Variants in MALRD1 observed in about 807,000 individuals in gnomAD.
MALRD1 encodes the protein MAM and LDL-receptor class A domain-containing protein 1.
In MALRD1, 247 loss-of-function variants were observed where a neutral mutation model predicts 242.1. The ratio of observed to expected loss-of-function variants is 1.02; its 90% CI spans 0.92 to 1.13. MALRD1 has a LOEUF of 1.13. Ranked by LOEUF, MALRD1 falls within the 50% of genes most tolerant of loss-of-function variation. MALRD1 has a pLI of 0.00. For synonymous variants in MALRD1, 995 were observed against 866.6 expected (o/e 1.15, Z -2.60); for missense variants, 2,989 against 2,533.1 (o/e 1.18, Z -3.86).
Position 19,357,342 on chromosome 10 carries a change from A to G in MALRD1, c.4441+5045A>G, listed in dbSNP as rs948078208. Reference sequence around the variant, plus strand: ...AAAGAGGTAACTGCCCATGTAATTTACTTAATGTCTGGCATATGGTAGGAA... The same window carrying G: ...AAAGAGGTAACTGCCCATGTAATTTGCTTAATGTCTGGCATATGGTAGGAA... On this transcript the variant is annotated intron_variant, in intron 26 of 39. Transcript: ENST00000454679. Among the ~76,000 whole-genome samples, 13 of 151,952 alleles carry G rather than the reference A, an allele frequency of 8.6e-5. 1 individual carries two copies. The highest frequency in any genetic ancestry group is 4.4e-5 in the Non-Finnish European group (3 of 68,008).
intron 10 of MALRD1, among the ~76,000 whole-genome samples, chr10:19,145,230 C>A (rs1338889761): frequency 6.6e-6 from 1 of 152,106 alleles, no homozygotes; most frequent in Non-Finnish European, 1.5e-5. Flanking sequence ...AATTTGGTGT[C>A]AAAGCTGTGA....
At chr10:19,415,484 G>A (rs918457899) in intron 28 of MALRD1, among the ~76,000 whole-genome samples, 1 of 151,884 alleles carries the variant, frequency 6.6e-6, no homozygotes, top group African/African-American at 2.4e-5. Flanking sequence ...CTAGCTTAAG[G>A]CTAATTAAGT....
At chr10:19,202,989 T>C (rs1366773461) in intron 14 of MALRD1, among the ~76,000 whole-genome samples, 1 of 152,148 alleles carries the variant, frequency 6.6e-6, no homozygotes, top group Non-Finnish European at 1.5e-5. Flanking sequence ...CCTTCCTATA[T>C]GGCTGTTTGT....
chr10:19,396,588 T>TA (rs986522730), intron 28 of MALRD1, among the ~76,000 whole-genome samples: 5 of 152,178 alleles, frequency 3.3e-5, no homozygotes, highest in African/African-American at 4.8e-5. Context: ...TAATCAGGAT[T>TA]AAAAAACAAT....
intron 18 of MALRD1, among the ~76,000 whole-genome samples, chr10:19,241,591 A>G (rs1323662191): frequency 6.6e-6 from 1 of 151,730 alleles, no homozygotes; most frequent in African/African-American, 2.4e-5. Context: ...CCTTCTACCA[A>G]TTTTGGGATT....
intron 2 of MALRD1, among the ~76,000 whole-genome samples, chr10:19,071,180 C>A (rs1191547333): frequency 6.6e-6 from 1 of 151,896 alleles, no homozygotes; most frequent in East Asian, 1.9e-4. Context: ...ATGCTGTGGG[C>A]AGCAGTCAAA....
At chr10:19,070,258 C>G (rs906362865) in intron 2 of MALRD1, among the ~76,000 whole-genome samples, 1 of 152,118 alleles carries the variant, frequency 6.6e-6, no homozygotes, top group African/African-American at 2.4e-5. Flanking sequence ...TACTGAGAAC[C>G]ATAGCTTAGC....
At chr10:19,665,657 A>C in intron 36 of MALRD1, among the ~76,000 whole-genome samples, 1 of 152,080 alleles carries the variant, frequency 6.6e-6, no homozygotes, top group East Asian at 1.9e-4. Context: ...AATTCTACTA[A>C]AACGTGGGCA....
chr10:19,313,042 TA>T (rs909721864), intron 21 of MALRD1, among the ~76,000 whole-genome samples: 3 of 151,360 alleles, frequency 2.0e-5, no homozygotes, highest in Non-Finnish European at 4.4e-5. Context: ...AGGTGTAAGA[TA>T]GGTCCCAAGA....
rs78304297 is a variant in MALRD1, at chr10:19,076,731, C to A, written c.340+9872C>A. On this transcript the variant is annotated intron_variant, in intron 2 of 39. Transcript: ENST00000454679. ...AGGAAGTTACTAGGGAAGAGTAAGT[C>A]TTATAATTTTGTTATTTTCTTTCAG... 5.7e-3 allele frequency among the ~76,000 whole-genome samples: 871 copies of A among 152,036 alleles called. 33 individuals are homozygous for A. The East Asian group carries it at 0.088, about 15-fold the overall frequency.
At chr10:19,726,992 T>C (rs1397274538) in intron 38 of MALRD1, among the ~76,000 whole-genome samples, 1 of 152,208 alleles carries the variant, frequency 6.6e-6, no homozygotes, top group African/African-American at 2.4e-5. Flanking sequence ...TTCAGAGTTA[T>C]AAAAACATTT....
chr10:19,304,894 C>T (rs1023700729), intron 21 of MALRD1, among the ~76,000 whole-genome samples: 6 of 151,810 alleles, frequency 4.0e-5, no homozygotes, highest in South Asian at 2.1e-4. Flanking sequence ...GGCAAGCATT[C>T]CTTTTTGTCA....
At chr10:19,489,073 CG>C in intron 29 of MALRD1, 1 of 459,694 alleles carries the variant, frequency 2.2e-6, no homozygotes, top group Non-Finnish European at 4.4e-6. Flanking sequence ...CCAGGCACCG[CG>C]CACGCGCCTT....
intron 36 of MALRD1, among the ~76,000 whole-genome samples, chr10:19,662,164 T>C (rs1215130196): frequency 6.6e-6 from 1 of 152,170 alleles, no homozygotes; most frequent in Non-Finnish European, 1.5e-5. Flanking sequence ...AAGACTGTTT[T>C]CATATATTCT....
At chr10:19,718,147 GAAGAGGAAGAGGAA>G (rs1412137128) in intron 38 of MALRD1, among the ~76,000 whole-genome samples, 6 of 150,348 alleles carry the variant, frequency 4.0e-5, no homozygotes, top group African/African-American at 7.4e-5. Context: ...GGAAGAGGAA[GAAGAGGAAGAGGAA>G]AAGAGGAAGA....
intron 28 of MALRD1, among the ~76,000 whole-genome samples, chr10:19,441,468 T>G (rs1218596097): frequency 6.6e-6 from 1 of 152,236 alleles, no homozygotes; most frequent in Non-Finnish European, 1.5e-5. Context: ...ATTTTTATGG[T>G]TATAGGTCTA....
intron 5 of MALRD1, among the ~76,000 whole-genome samples, chr10:19,117,248 C>G (rs1055451358): frequency 6.6e-6 from 1 of 152,074 alleles, no homozygotes; most frequent in East Asian, 1.9e-4. Flanking sequence ...TATTAATTGA[C>G]AATTTATGCA....
chr10:19,598,754 A>T (rs984913292), intron 34 of MALRD1, among the ~76,000 whole-genome samples: 1 of 151,680 alleles, frequency 6.6e-6, no homozygotes, highest in East Asian at 1.9e-4. Context: ...TGTAGATGAG[A>T]TCAAAGAGAG....
chr10:19,171,422 T>TTTTATATATA (rs1159904055), intron 13 of MALRD1, among the ~76,000 whole-genome samples: 1 of 36,274 alleles, frequency 2.8e-5, no homozygotes, highest in African/African-American at 7.9e-5. Flanking sequence ...ATTTTATATT[T>TTTTATATATA]TATATACATA....
Sources: allele counts gnomAD v4.1 joint callset (sites outside exome capture counted in the v4.1 genomes callset), GRCh38; gene constraint gnomAD v4.1.1; transcripts MANE v1.5; gene names NCBI Gene and HGNC (gene_info 2026-07-23, HGNC 2026-07-21).